DLGAP2: variants seen among roughly 807,000 people sequenced by gnomAD.
DLGAP2 encodes the protein DLG associated protein 2.
DLGAP2 carries 26 observed loss-of-function variants against 100.3 expected under a neutral mutation model. The observed-to-expected ratio is 0.26, with a 90% CI of 0.19 to 0.36. The LOEUF (loss-of-function observed/expected upper bound fraction) is 0.36. Among genes scored for constraint, DLGAP2 ranks in the 10% least tolerant of loss-of-function variants. The pLI is 1.00. For synonymous variants in DLGAP2, 886 were observed against 630.1 expected (o/e 1.41, Z -6.08); for missense variants, 1,858 against 1,453.2 (o/e 1.28, Z -4.53).
At chr8:889,915 C>T (rs1191039658) in intron 1 of DLGAP2, among the ~76,000 whole-genome samples, 4 of 152,164 alleles carry the variant, frequency 2.6e-5, no homozygotes, top group Admixed American at 6.5e-5. Flanking sequence ...TCTTCTGATC[C>T]GTGGGTTGCA....
At chr8:1,250,623 T>A (rs1027339402) in intron 2 of DLGAP2, 2 of 152,104 alleles carry the variant, frequency 1.3e-5, no homozygotes, top group Non-Finnish European at 2.9e-5. Flanking sequence ...GAAGACGCGT[T>A]CCCTCCCTGT....
At chr8:1,276,524 G>C (rs1026153714) in intron 3 of DLGAP2, among the ~76,000 whole-genome samples, 1 of 152,076 alleles carries the variant, frequency 6.6e-6, no homozygotes, top group Non-Finnish European at 1.5e-5. Flanking sequence ...CACATGTTCG[G>C]CCTTTGCTTT....
rs574264807 is a variant in DLGAP2 at position 1,635,831 on chromosome 8, C to G, written c.1810+2785C>G. Reference sequence around the variant, plus strand: ...TTAGACCATCTGTTTTAAACATGGACAGGTTGAGGTTCCCAGAGGACGTCT... The same window carrying G: ...TTAGACCATCTGTTTTAAACATGGAGAGGTTGAGGTTCCCAGAGGACGTCT... On this transcript the variant is annotated intron_variant, in intron 8 of 14. Transcript: ENST00000637795. 3.9e-5 allele frequency among the ~76,000 whole-genome samples: 6 copies of G among 152,262 alleles called. No homozygotes were observed. In the South Asian group the frequency reaches 1.2e-3, roughly 32 times the overall value.
At chr8:980,549 G>A (rs775607384) in intron 2 of DLGAP2, among the ~76,000 whole-genome samples, 1 of 152,142 alleles carries the variant, frequency 6.6e-6, no homozygotes. Context: ...TTCTCTCTTC[G>A]CCAATTCATT....
At chr8:1,524,885 G>A (rs757870373) in intron 4 of DLGAP2, among the ~76,000 whole-genome samples, 26 of 151,936 alleles carry the variant, frequency 1.7e-4, no homozygotes, top group Middle Eastern at 3.2e-3. Flanking sequence ...TTAGCGCTGT[G>A]TTCTGCTAAC....
chr8:762,219 G>C (rs1821106115), intron 1 of DLGAP2, among the ~76,000 whole-genome samples: 1 of 152,124 alleles, frequency 6.6e-6, no homozygotes, highest in African/African-American at 2.4e-5. Flanking sequence ...ATCCGTGGGA[G>C]AAAAAGCCCA....
chr8:1,474,711 A>C (rs1011162424), intron 3 of DLGAP2, among the ~76,000 whole-genome samples: 2 of 152,168 alleles, frequency 1.3e-5, no homozygotes, highest in Non-Finnish European at 2.9e-5. Flanking sequence ...GCTTTTGTTA[A>C]AAGGTTAAAA....
chr8:1,330,707 G>T (rs192506264), intron 3 of DLGAP2, among the ~76,000 whole-genome samples: 1 of 134,772 alleles, frequency 7.4e-6, no homozygotes, highest in East Asian at 2.4e-4. Flanking sequence ...GTGGGATTGA[G>T]TTCTGGGTGG....
intron 3 of DLGAP2, among the ~76,000 whole-genome samples, chr8:1,288,974 A>G (rs1440116751): frequency 6.6e-6 from 1 of 152,244 alleles, no homozygotes; most frequent in Non-Finnish European, 1.5e-5. Context: ...TCATTTATGC[A>G]TTAGAGTTAC....
chr8:868,448 G>A lies in DLGAP2; in HGVS notation c.19-39464G>A, dbSNP rs576761774. Among the ~76,000 whole-genome samples, 58 of 152,276 alleles carry A rather than the reference G, an allele frequency of 3.8e-4. 1 individual carries two copies. Among genetic ancestry groups the A allele is most frequent in the Admixed American group, 1.6e-3 (25 of 15,300 alleles). On this transcript the variant is annotated intron_variant, in intron 1 of 14. Transcript: ENST00000637795. ...TACACGACACTCACAGAAACATCTC[G>A]CTGTGAGAAGGTCCCTGGTTGGCGC...
rs574444336 is a variant in DLGAP2 at position 1,336,002 on chromosome 8, G to C, written c.106+77119G>C. The stretch of plus-strand genomic sequence containing the variant: ...TGCTTTTTCCGGTAAAGAGCTCCAG[G>C]GGGGAAAACATCACAATATAAAGAA... On this transcript the variant is annotated intron_variant, in intron 3 of 14. Coordinates refer to ENST00000637795, the MANE Select transcript of DLGAP2 (RefSeq NM_001346810.2). 3.9e-5 allele frequency among the ~76,000 whole-genome samples: 6 copies of C among 152,222 alleles called. No individual in the cohort carries two copies. In the South Asian group the frequency reaches 6.2e-4, roughly 16 times the overall value.
intron 3 of DLGAP2, among the ~76,000 whole-genome samples, chr8:1,333,875 A>G (rs1801213587): frequency 6.6e-6 from 1 of 152,232 alleles, no homozygotes; most frequent in Non-Finnish European, 1.5e-5. Context: ...GGGGGAACAG[A>G]AAGTCAGATC....
At chr8:863,055 T>G (rs1797422763) in intron 1 of DLGAP2, among the ~76,000 whole-genome samples, 1 of 152,230 alleles carries the variant, frequency 6.6e-6, no homozygotes, top group Non-Finnish European at 1.5e-5. Context: ...TCTTGTACTT[T>G]GCTATTTGTG....
intron 2 of DLGAP2, among the ~76,000 whole-genome samples, chr8:983,226 G>A (rs11786936): frequency 0.3 from 43,704 of 146,314 alleles, 7,645 homozygotes; most frequent in Admixed American, 0.4. Flanking sequence ...GGAAGGTACA[G>A]GTCCTCGAGA....
In DLGAP2 at chr8:1,607,163, A is replaced by G. The variant is rs145011893; in HGVS notation, c.1443-19577A>G. Among the ~76,000 whole-genome samples, 681 of 152,346 alleles carry G rather than the reference A, an allele frequency of 4.5e-3. 3 individuals are homozygous for G. The highest frequency in any genetic ancestry group is 0.016 in the African/African-American group (646 of 41,574). On this transcript the variant is annotated intron_variant, in intron 6 of 14. Transcript: ENST00000637795. ...AACATAAATTAGTTGCATATGTAAC[A>G]TTATATTATTGTATTGTTTTCATAT...
intron 3 of DLGAP2, among the ~76,000 whole-genome samples, chr8:1,345,229 G>T (rs13264594): frequency 1.6e-5 from 1 of 64,408 alleles, no homozygotes; most frequent in Non-Finnish European, 3.8e-5. Flanking sequence ...TCTGCTGAAG[G>T]TGCAGGCTCA....
chr8:1,496,805 G>T (rs781371410), intron 3 of DLGAP2, among the ~76,000 whole-genome samples: 2 of 152,146 alleles, frequency 1.3e-5, no homozygotes, highest in Non-Finnish European at 2.9e-5. Context: ...CACGCCATCC[G>T]CACGTTCGCT....
Position 1,633,163 on chromosome 8 carries a change from G to C in DLGAP2, c.1810+117G>C, listed in dbSNP as rs1585016500. 7.5e-6 allele frequency: 7 copies of C among 936,506 alleles called. No homozygotes were observed. In the South Asian group the frequency reaches 1.0e-4, roughly 14 times the overall value. 58.0% of individuals were successfully genotyped at this position (936,506 alleles called of 1,614,324 possible). ...GTACAATGTACTCTCCTGACATCTA[G>C]TAACGTTTCCTAATTGCATGTGTTA... On this transcript the variant is annotated intron_variant, in intron 8 of 14. Transcript: ENST00000637795.
intron 4 of DLGAP2, among the ~76,000 whole-genome samples, chr8:1,507,008 G>A (rs566381233): frequency 6.6e-6 from 1 of 152,336 alleles, no homozygotes; most frequent in African/African-American, 2.4e-5. Flanking sequence ...CAAACCTTTT[G>A]CTAGACACAG....
Sources: allele counts gnomAD v4.1 joint callset (sites outside exome capture counted in the v4.1 genomes callset), GRCh38; gene constraint gnomAD v4.1.1; transcripts MANE v1.5; gene names NCBI Gene and HGNC (gene_info 2026-07-23, HGNC 2026-07-21).